Variants in ABCA1 observed in about 807,000 individuals in gnomAD.
ABCA1 encodes the protein phospholipid-transporting ATPase ABCA1.
Under a neutral mutation model 262.5 loss-of-function variants are expected in ABCA1, and 133 were observed. That is an observed-to-expected ratio of 0.51 (90% CI 0.44 to 0.59). The LOEUF is 0.59. ABCA1 is among the 20% of genes least tolerant of loss of function. The probability of loss-of-function intolerance (pLI) is 0.00; values close to 1 mark genes in which losing one functional copy is unlikely to be tolerated. For synonymous variants in ABCA1, 1,022 were observed against 1,043.5 expected (o/e 0.98, Z 0.40); for missense variants, 2,452 against 2,777.5 (o/e 0.88, Z 2.63).
chr9:104,840,581 G>A, intron 8 of ABCA1, 62 bp from the exon 9 acceptor site: 1 of 1,503,952 alleles, frequency 6.6e-7, no homozygotes, highest in Non-Finnish European at 9.1e-7. Flanking sequence ...CAGTGCAAGG[G>A]TTGGGGATGA....
intron 4 of ABCA1, 73 bp from the exon 5 acceptor site, chr9:104,883,230 G>A: frequency 7.5e-7 from 1 of 1,326,584 alleles, no homozygotes; most frequent in Non-Finnish European, 1.1e-6. Flanking sequence ...AGAAGTGACT[G>A]CCAAGTGCAT....
intron 2 of ABCA1, among the ~76,000 whole-genome samples, chr9:104,896,058 T>C (rs75494727): frequency 0.021 from 3,265 of 152,106 alleles, 96 homozygotes; most frequent in African/African-American, 0.076. Flanking sequence ...AGAATAAACA[T>C]CAGAAAGGAA....
intron 2 of ABCA1, 82 bp from the exon 3 acceptor site, chr9:104,889,277 GA>G: frequency 6.5e-7 from 1 of 1,547,018 alleles, no homozygotes; most frequent in Middle Eastern, 1.7e-4. Flanking sequence ...GAAATCCACA[GA>G]CAACTTCATT....
chr9:104,816,632 T>C (rs974965946), intron 24 of ABCA1, among the ~76,000 whole-genome samples: 1 of 52,800 alleles, frequency 1.9e-5, no homozygotes, highest in Non-Finnish European at 3.4e-5. Context: ...GATGGGAGGA[T>C]GGAAGGATGG....
At chr9:104,857,301 C>G (rs1317377063) in intron 7 of ABCA1, among the ~76,000 whole-genome samples, 2 of 151,972 alleles carry the variant, frequency 1.3e-5, no homozygotes, top group African/African-American at 2.4e-5. Context: ...AGACAGATCT[C>G]AGCTCACTGC....
intron 5 of ABCA1, among the ~76,000 whole-genome samples, chr9:104,879,117 G>T (rs754286405): frequency 9.2e-5 from 14 of 151,962 alleles, no homozygotes; most frequent in East Asian, 1.9e-4. Flanking sequence ...GAAATTAGTG[G>T]TGTTTTAAGG....
rs1301784537 is a variant in ABCA1, at chr9:104,884,438, A to G, written c.291T>C (p.Phe97=). The change falls in exon 4 of 50, where the codon TTT becomes TTC. Residue 97 remains phenylalanine (F), a synonymous_variant. Coordinates refer to ENST00000374736, the MANE Select transcript of ABCA1 (RefSeq NM_005502.4). The part of the protein sequence containing the change: ...PGEAPGVVGN[F]NKSIVARLFS... ...GATCTGATACTTACATGGATTTGTTAAAGTTTCCAACAACTCCGGGAGCCT... is the reference window on the plus strand; with the variant it reads ...GATCTGATACTTACATGGATTTGTTGAAGTTTCCAACAACTCCGGGAGCCT... 3.1e-6 allele frequency: 5 copies of G among 1,614,138 alleles called. No homozygotes were observed. The East Asian group carries it at 8.9e-5, about 29-fold the overall frequency.
At chr9:104,879,364 A>G (rs1237079874) in intron 5 of ABCA1, among the ~76,000 whole-genome samples, 1 of 152,212 alleles carries the variant, frequency 6.6e-6, no homozygotes, top group Non-Finnish European at 1.5e-5. Flanking sequence ...TGAGGAAAAA[A>G]GGGTCTACAG....
In ABCA1 at chr9:104,796,133, C is replaced by T; in HGVS notation, c.5302G>A (p.Val1768Met). Reference sequence around the variant, plus strand: ...AAGAGGTTCACGCTGGTGAGCACCACATAGGCTGTGCTGGGGATCTTGAAC... The same window carrying T: ...AAGAGGTTCACGCTGGTGAGCACCATATAGGCTGTGCTGGGGATCTTGAAC... ...FVFKIPSTAYVVLTSVNLFIG... is the reference protein window; with the variant it reads ...FVFKIPSTAYMVLTSVNLFIG... The change falls in exon 39 of 50, where the codon GTG becomes ATG. Residue 1768 changes from valine to methionine, a missense_variant. Around this residue, in one of 4 missense-constraint regions of ABCA1, gnomAD observed 752 missense variants for 944.5 expected, o/e 0.80. Coordinates refer to ENST00000374736, the MANE Select transcript of ABCA1 (RefSeq NM_005502.4). 6.2e-7 allele frequency: 1 copy of T among 1,613,990 alleles called. No individual in the cohort carries two copies. The highest frequency in any genetic ancestry group is 1.1e-5 in the South Asian group (1 of 91,084).
At chr9:104,913,001 C>G (rs562757875) in intron 1 of ABCA1, among the ~76,000 whole-genome samples, 2 of 152,086 alleles carry the variant, frequency 1.3e-5, no homozygotes. Context: ...TGTTATAGGA[C>G]GGTTTTCCAA....
intron 1 of ABCA1, among the ~76,000 whole-genome samples, chr9:104,924,739 T>C (rs1375393421): frequency 6.6e-6 from 1 of 152,232 alleles, no homozygotes; most frequent in Non-Finnish European, 1.5e-5. Context: ...AAGGTAATGT[T>C]CACTTATTCT....
chr9:104,819,540 C>A, intron 22 of ABCA1, 46 bp downstream of exon 22: 1 of 1,613,132 alleles, frequency 6.2e-7, no homozygotes, highest in South Asian at 1.1e-5. Flanking sequence ...AAAAGCCCCC[C>A]GCTCTCTCTC....
rs764283065 is a variant in ABCA1, at chr9:104,799,823, C to T, written c.4939G>A (p.Ala1647Thr). 1.9e-6 allele frequency: 3 copies of T among 1,614,164 alleles called. No individual in the cohort carries two copies. In the Admixed American group the frequency reaches 5.0e-5, roughly 27 times the overall value. The change falls in exon 36 of 50, where the codon GCT becomes ACT. Residue 1647 changes from alanine (A) to threonine (T), a missense_variant. Coordinates refer to ENST00000374736, the MANE Select transcript of ABCA1 (RefSeq NM_005502.4). The stretch of plus-strand genomic sequence containing the variant: ...TACAGACACAGCCACACTTACAGAG[C>T]CACCTCTGAGAGCTGCTGCTTGGTG... The part of the protein sequence containing the change: ...NLTKQQLSEV[A>T]LMTTSVDVLV...
At chr9:104,875,931 A>C (rs1233103609) in intron 5 of ABCA1, among the ~76,000 whole-genome samples, 1 of 152,230 alleles carries the variant, frequency 6.6e-6, no homozygotes, top group African/African-American at 2.4e-5. Context: ...CATATTCAGC[A>C]GGTCTAGAAA....
chr9:104,917,628 C>A (rs1241229843), intron 1 of ABCA1, among the ~76,000 whole-genome samples: 1 of 152,038 alleles, frequency 6.6e-6, no homozygotes, highest in African/African-American at 2.4e-5. Flanking sequence ...GTGGCATGCA[C>A]CTGTAATCCC....
At position 104,785,732 on chromosome 9, in the gene ABCA1, A is replaced by G. The variant is rs538256139; in HGVS notation, c.6402-93T>C. On this transcript the variant is annotated intron_variant, in intron 48 of 49. Coordinates refer to ENST00000374736, the MANE Select transcript of ABCA1 (RefSeq NM_005502.4). ...GGGAACCCAACTTGTGCCATGAAAAAGGGCGGCCCCTGGCAGGCCCAGAAA... is the reference window on the plus strand; with the variant it reads ...GGGAACCCAACTTGTGCCATGAAAAGGGGCGGCCCCTGGCAGGCCCAGAAA... 18 of 1,524,100 alleles carry G rather than the reference A, an allele frequency of 1.2e-5. No individual in the cohort carries two copies. In the East Asian group the frequency reaches 3.8e-4, roughly 33 times the overall value. The allele number at this position is 1,524,100 out of a possible 1,614,324, so 94.4% of individuals were successfully genotyped here.
At chr9:104,859,172 A>G (rs1836119596) in intron 6 of ABCA1, among the ~76,000 whole-genome samples, 1 of 152,276 alleles carries the variant, frequency 6.6e-6, no homozygotes, top group Admixed American at 6.5e-5. Context: ...ACTAAGACAC[A>G]GAACTATGTT....
chr9:104,869,390 A>T (rs1228277081), intron 5 of ABCA1, among the ~76,000 whole-genome samples: 2 of 152,130 alleles, frequency 1.3e-5, no homozygotes, highest in Non-Finnish European at 2.9e-5. Context: ...GACAAATTCT[A>T]ACTCGTGGTT....
intron 48 of ABCA1, 135 bp from the exon 49 acceptor site, chr9:104,785,774 G>A (rs1337569082): frequency 1.0e-6 from 1 of 992,464 alleles, no homozygotes; most frequent in Non-Finnish European, 1.5e-6. Context: ...TCTGAGAGAA[G>A]GAACCAGTTA....
Sources: allele counts gnomAD v4.1 joint callset (sites outside exome capture counted in the v4.1 genomes callset), GRCh38; gene constraint gnomAD v4.1.1; regional missense constraint gnomAD v4.1.1; transcripts MANE v1.5; gene names NCBI Gene and HGNC (gene_info 2026-07-23, HGNC 2026-07-21).